Variants in CUX2 observed in about 807,000 individuals in gnomAD.
The protein encoded by CUX2 is cut like homeobox 2.
A neutral mutation model predicts 144.8 loss-of-function variants in CUX2; 40 were observed. The ratio of observed to expected loss-of-function variants is 0.28; its 90% CI spans 0.21 to 0.36. The LOEUF is 0.36. CUX2 is among the 10% of genes least tolerant of loss of function. The pLI is 1.00. For missense variants in CUX2, 1,615 were observed against 1,994.0 expected, an observed-to-expected ratio of 0.81 and a Z score of 3.62; for synonymous variants, 827 against 875.6, an observed-to-expected ratio of 0.94 and a Z score of 0.98.
At chr12:111,292,871 C>T (rs749722994) in intron 5 of CUX2, among the ~76,000 whole-genome samples, 17 of 152,090 alleles carry the variant, frequency 1.1e-4, no homozygotes, top group Non-Finnish European at 2.1e-4. Context: ...GCCTGTAATC[C>T]CAGCACTTTG....
chr12:111,099,843 A>G, intron 1 of CUX2: 2 of 419,760 alleles, frequency 4.8e-6, no homozygotes, highest in East Asian at 7.1e-5. Flanking sequence ...ATGGGCAGCT[A>G]GGAGGCGAGG....
intron 1 of CUX2, among the ~76,000 whole-genome samples, chr12:111,109,882 G>GT (rs1873834464): frequency 1.3e-5 from 2 of 151,928 alleles, no homozygotes; most frequent in African/African-American, 2.4e-5. Flanking sequence ...ACTTCTTTTT[G>GT]TTTTTTGGTT....
intron 1 of CUX2, among the ~76,000 whole-genome samples, chr12:111,128,786 CT>C (rs1221596077): frequency 6.6e-6 from 1 of 152,192 alleles, no homozygotes; most frequent in Non-Finnish European, 1.5e-5. Context: ...AGATGGGGGC[CT>C]GTCGAAGACT....
intron 4 of CUX2, among the ~76,000 whole-genome samples, chr12:111,271,609 G>A (rs1321184564): frequency 6.6e-6 from 1 of 152,188 alleles, no homozygotes; most frequent in African/African-American, 2.4e-5. Flanking sequence ...GGAAGGAAAA[G>A]TACATTGTAG....
chr12:111,110,589 A>T (rs1873879972), intron 1 of CUX2, among the ~76,000 whole-genome samples: 1 of 152,254 alleles, frequency 6.6e-6, no homozygotes, highest in Non-Finnish European at 1.5e-5. Context: ...ACAAACAGAA[A>T]TAATATCTTT....
chr12:111,314,398 G>A (rs1887064205), intron 16 of CUX2, among the ~76,000 whole-genome samples: 1 of 152,062 alleles, frequency 6.6e-6, no homozygotes, highest in Admixed American at 6.6e-5. Context: ...CCTCTGGGAG[G>A]CCGAGGCCAA....
At chr12:111,226,852 CG>C (rs1178397809) in intron 3 of CUX2, among the ~76,000 whole-genome samples, 2 of 152,182 alleles carry the variant, frequency 1.3e-5, no homozygotes, top group African/African-American at 4.8e-5. Flanking sequence ...TAGTCTGTGC[CG>C]ACGCCATGGT....
chr12:111,078,155 AACAAC>A (rs1236677177), intron 1 of CUX2, among the ~76,000 whole-genome samples: 3 of 152,182 alleles, frequency 2.0e-5, no homozygotes, highest in Non-Finnish European at 4.4e-5. Context: ...TTATTCATTC[AACAAC>A]CAGTTGAGCC....
intron 1 of CUX2, among the ~76,000 whole-genome samples, chr12:111,126,719 A>G (rs1407461468): frequency 6.6e-6 from 1 of 152,162 alleles, no homozygotes. Flanking sequence ...CCCCCAGAAT[A>G]ATGTTTGGCC....
At chr12:111,036,555 AG>A (rs1869457033) in intron 1 of CUX2, among the ~76,000 whole-genome samples, 1 of 151,322 alleles carries the variant, frequency 6.6e-6, no homozygotes, top group African/African-American at 2.4e-5. Flanking sequence ...GGATAAAGGT[AG>A]GGGGTGGTGG....
Position 111,308,482 on chromosome 12 carries a change from C to G in CUX2, c.1214C>G (p.Thr405Arg), listed in dbSNP as rs375886505. ...ATTGCAAAGGAGGCCTTCTTCCCCACGCAGAAATTCCTTCTGGAGAAGCCC... is the reference window on the plus strand; with the variant it reads ...ATTGCAAAGGAGGCCTTCTTCCCCAGGCAGAAATTCCTTCTGGAGAAGCCC... Reference protein sequence around the residue: ...LLIAKEAFFPTQKFLLEKPSL... With the variant: ...LLIAKEAFFPRQKFLLEKPSL... Residue 405 changes from threonine (T) to arginine (R), a missense_variant, in exon 14 of 22, where the codon ACG (threonine) becomes AGG (arginine). Physicochemically the swap from Thr to Arg is moderately conservative, Grantham distance 71 (BLOSUM62 -1). Transcript: ENST00000261726. The G allele has an allele frequency of 5.6e-6, 9 of 1,613,956 alleles. No homozygotes were observed. The African/African-American group carries it at 1.1e-4, about 19-fold the overall frequency.
At chr12:111,112,622 C>T (rs1874043535) in intron 1 of CUX2, among the ~76,000 whole-genome samples, 1 of 152,124 alleles carries the variant, frequency 6.6e-6, no homozygotes, top group African/African-American at 2.4e-5. Context: ...TGGGGAGGGC[C>T]TGGGAAGCCC....
chr12:111,103,684 G>C (rs955472885), intron 1 of CUX2, among the ~76,000 whole-genome samples: 4 of 152,148 alleles, frequency 2.6e-5, no homozygotes, highest in Non-Finnish European at 5.9e-5. Flanking sequence ...GGACTCTTAC[G>C]GTTCTATCTG....
intron 4 of CUX2, among the ~76,000 whole-genome samples, chr12:111,268,720 G>T (rs1309545343): frequency 6.6e-6 from 1 of 152,262 alleles, no homozygotes; most frequent in Non-Finnish European, 1.5e-5. Context: ...AAGAGGCCCA[G>T]TGGCACCATT....
chr12:111,259,031 C>CTATGTGTGTGTG (rs1351800495), intron 3 of CUX2, among the ~76,000 whole-genome samples: 89 of 132,306 alleles, frequency 6.7e-4, no homozygotes, highest in African/African-American at 2.3e-3. Context: ...CCACACCCAG[C>CTATGTGTGTGTG]TGTGTGTGTG....
chr12:111,274,221 C>T (rs754257714), intron 4 of CUX2, among the ~76,000 whole-genome samples: 1 of 152,134 alleles, frequency 6.6e-6, no homozygotes, highest in African/African-American at 2.4e-5. Flanking sequence ...TGAGCTACCG[C>T]GCCTGGTGAA....
Position 111,320,492 on chromosome 12 carries a change from A to G in CUX2, c.2483A>G (p.Asp828Gly). 3 of 1,584,654 alleles carry G rather than the reference A, an allele frequency of 1.9e-6. No homozygotes were observed. Among genetic ancestry groups the G allele is most frequent in the Non-Finnish European group, 2.6e-6 (3 of 1,169,946 alleles). The change falls in exon 17 of 22, where the codon GAC becomes GGC. Residue 828 changes from aspartate (D) to glycine (G), a missense_variant. By Grantham distance (94) the Asp-to-Gly change is moderately conservative. Around this residue, in one of 12 missense-constraint regions of CUX2, gnomAD observed 390 missense variants for 387.1 expected, o/e 1.01. Transcript: ENST00000261726. The surrounding 1 kb of genome is among the most constrained non-coding windows in gnomAD (Gnocchi z 8.1). ...AACGGCCGCGCCTGGCCCCGCGGGG[A>G]CGAGGCCCCTGTGCCCCCCGAGGAC... Reference protein sequence around the residue: ...QPNGRAWPRGDEAPVPPEDEA... With the variant: ...QPNGRAWPRGGEAPVPPEDEA...
rs529034016 is a variant in CUX2 at position 111,180,749 on chromosome 12, G to C, written c.64-33451G>C. 4.6e-5 allele frequency among the ~76,000 whole-genome samples: 7 copies of C among 152,310 alleles called. No homozygotes were observed. The South Asian group carries it at 1.4e-3, about 32-fold the overall frequency. On this transcript the variant is annotated intron_variant, in intron 1 of 21. Transcript: ENST00000261726. ...ATGCCTGGGTCCCAGGGAAAACCTA[G>C]TCCTCCCCCAGCCTCCCCAGACCCA...
chr12:111,263,950 G>A lies in CUX2; in HGVS notation c.301+111G>A. On this transcript the variant is annotated intron_variant, in intron 4 of 21. Coordinates refer to ENST00000261726, the MANE Select transcript of CUX2 (RefSeq NM_015267.4). The surrounding 1 kb of genome is among the most constrained non-coding windows in gnomAD (Gnocchi z 4.0). ...TGTGGGGACATGCCTGGGCTCCTGG[G>A]TGAGGCCAGGCACTCTGTATAGGGC... The A allele has an allele frequency of 6.1e-6, 6 of 987,856 alleles. No homozygotes were observed. The highest frequency in any genetic ancestry group is 4.8e-5 in the East Asian group (2 of 41,850). The allele number at this position is 987,856 out of a possible 1,614,324, so 61.2% of individuals were successfully genotyped here. A position where few individuals can be genotyped will look rare whatever the true frequency, so the allele number is the denominator to read the frequency against.
Sources: gnomAD v4.1 joint callset for allele counts (sites outside exome capture counted in the v4.1 genomes callset) on GRCh38, gnomAD v4.1.1 for gene constraint, gnomAD v4.1.1 regional missense constraint, Gnocchi (gnomAD v3.1) non-coding constraint, MANE v1.5 for transcripts, NCBI Gene and HGNC (gene_info 2026-07-23, HGNC 2026-07-21) for gene names.